The following THSD4 variants were observed in gnomAD, a reference collection of about 807,000 sequenced individuals.
THSD4 encodes thrombospondin type 1 domain containing 4.
Under a neutral mutation model 119.0 loss-of-function variants are expected in THSD4, and 69 were observed. The observed-to-expected ratio is 0.58, with a 90% CI of 0.48 to 0.71. The LOEUF is 0.71. Among genes scored for constraint, THSD4 ranks in the 30% least tolerant of loss-of-function variants. The pLI is 0.00. For synonymous variants in THSD4, 524 were observed against 540.4 expected, an observed-to-expected ratio of 0.97 and a Z score of 0.42; for missense variants, 1,393 against 1,391.1, an observed-to-expected ratio of 1.00 and a Z score of -0.02.
At chr15:71,637,047 G>A (rs1394072266) in intron 7 of THSD4, among the ~76,000 whole-genome samples, 1 of 151,992 alleles carries the variant, frequency 6.6e-6, no homozygotes, top group African/African-American at 2.4e-5. Context: ...ACCATACCCA[G>A]CTGATTTTTT....
chr15:71,638,245 A>G (rs887188110), intron 7 of THSD4, among the ~76,000 whole-genome samples: 10 of 152,228 alleles, frequency 6.6e-5, no homozygotes, highest in Non-Finnish European at 1.3e-4. Flanking sequence ...CTGATAGCAC[A>G]TAGTGTAGAC....
rs1555414332 is a variant in THSD4 at position 71,442,668 on chromosome 15, A to ATGTG, written c.1152+30846_1152+30847insGTGT. Reference sequence around the variant, plus strand: ...TATGTGTGTGTGTGTGTGTATATATATATATATATATATATATATATATAT... The same window carrying ATGTG: ...TATGTGTGTGTGTGTGTGTATATATATGTGTATATATATATATATATATATATAT... On this transcript the variant is annotated intron_variant, in intron 7 of 17. Transcript: ENST00000261862. Among the ~76,000 whole-genome samples the ATGTG allele has an allele frequency of 6.1e-3, 225 of 36,976 alleles. 7 individuals are homozygous for ATGTG. The highest frequency in any genetic ancestry group is 0.011 in the Non-Finnish European group (171 of 15,328). 24.3% of individuals were successfully genotyped at this position (36,976 alleles called of 152,430 possible). A position where few individuals can be genotyped will look rare whatever the true frequency, so the allele number is the denominator to read the frequency against.
At chr15:71,180,426 G>A (rs780031038) in intron 3 of THSD4, among the ~76,000 whole-genome samples, 4 of 152,182 alleles carry the variant, frequency 2.6e-5, no homozygotes, top group Admixed American at 1.3e-4. Flanking sequence ...GATAGTAAGG[G>A]AAGAAATGAA....
intron 7 of THSD4, among the ~76,000 whole-genome samples, chr15:71,511,155 A>G (rs1212067900): frequency 2.1e-5 from 3 of 146,262 alleles, no homozygotes; most frequent in Admixed American, 6.8e-5. Flanking sequence ...AATAATGGGA[A>G]ACAGAGAGAA....
chr15:71,295,675 C>CAT (rs1005983163), intron 6 of THSD4, among the ~76,000 whole-genome samples: 3 of 150,076 alleles, frequency 2.0e-5, no homozygotes, highest in African/African-American at 7.4e-5. Context: ...CACCTGGGGA[C>CAT]ATTTTCTTTA....
At chr15:71,277,128 C>T (rs1432261056) in intron 6 of THSD4, among the ~76,000 whole-genome samples, 15 of 122,992 alleles carry the variant, frequency 1.2e-4, no homozygotes, top group South Asian at 2.5e-4. Context: ...TCTTCTTCTT[C>T]TTTTTTTTTT....
chr15:71,723,133 G>C (rs2052755478), intron 8 of THSD4, among the ~76,000 whole-genome samples: 1 of 148,306 alleles, frequency 6.7e-6, no homozygotes, highest in African/African-American at 2.5e-5. Context: ...AAACATTTTT[G>C]TATACTCATA....
Position 71,458,089 on chromosome 15 carries a change from A to G in THSD4, c.1152+46266A>G, listed in dbSNP as rs145913857. ...TGAAAATATAATCTTATTATAATCT[A>G]TATGCATTGCATATTTACATTTATA... On this transcript the variant is annotated intron_variant, in intron 7 of 17. Transcript: ENST00000261862. 1.3e-4 allele frequency among the ~76,000 whole-genome samples: 20 copies of G among 152,350 alleles called. No homozygotes were observed. In the East Asian group the frequency reaches 2.5e-3, roughly 19 times the overall value.
chr15:71,675,740 C>T (rs1053081955), intron 8 of THSD4, among the ~76,000 whole-genome samples: 1 of 152,154 alleles, frequency 6.6e-6, no homozygotes, highest in Non-Finnish European at 1.5e-5. Flanking sequence ...GAGGGACCTG[C>T]CTGTGGTAAA....
At chr15:71,721,066 A>C (rs1171033324) in intron 8 of THSD4, among the ~76,000 whole-genome samples, 2 of 152,308 alleles carry the variant, frequency 1.3e-5, no homozygotes, top group Admixed American at 1.3e-4. Flanking sequence ...CACAATGGGC[A>C]TTAAGATTAT....
intron 1 of THSD4, among the ~76,000 whole-genome samples, chr15:71,108,806 A>G (rs2040284851): frequency 6.6e-6 from 1 of 152,212 alleles, no homozygotes; most frequent in South Asian, 2.1e-4. Flanking sequence ...CCTGGCCAGC[A>G]TGGTGAAACC....
At chr15:71,682,308 A>G (rs2051797922) in intron 8 of THSD4, among the ~76,000 whole-genome samples, 2 of 152,256 alleles carry the variant, frequency 1.3e-5, no homozygotes, top group South Asian at 2.1e-4. Flanking sequence ...ATAAATACAC[A>G]GGAAAAGTTC....
intron 8 of THSD4, among the ~76,000 whole-genome samples, chr15:71,683,817 T>C (rs984361354): frequency 6.6e-6 from 1 of 151,998 alleles, no homozygotes; most frequent in African/African-American, 2.4e-5. Flanking sequence ...GTACTAAAAA[T>C]ACAAAAATTT....
chr15:71,437,605 T>TC (rs1422811763), intron 7 of THSD4, among the ~76,000 whole-genome samples: 4 of 152,190 alleles, frequency 2.6e-5, no homozygotes, highest in Admixed American at 1.3e-4. Context: ...CTTGAGGTGC[T>TC]TACTTCAGTC....
At chr15:71,296,863 G>C (rs536931348) in intron 6 of THSD4, among the ~76,000 whole-genome samples, 1 of 152,088 alleles carries the variant, frequency 6.6e-6, no homozygotes, top group African/African-American at 2.4e-5. Flanking sequence ...TAATTGCTCC[G>C]AGCCTCTGTT....
rs1175418817 is a variant in THSD4, at chr15:71,781,722, G to A, written c.*4348G>A. Reference sequence around the variant, plus strand: ...AGCCTTCCAGAGATAGAGGGACTGTGGTAGGTGGTGACCCACCCATCACTG... The same window carrying A: ...AGCCTTCCAGAGATAGAGGGACTGTAGTAGGTGGTGACCCACCCATCACTG... On this transcript the variant is annotated 3_prime_UTR_variant, in exon 18 of 18. Coordinates refer to ENST00000261862, the MANE Select transcript of THSD4 (RefSeq NM_024817.3). 1 of 152,286 alleles carries A rather than the reference G, an allele frequency of 6.6e-6. No homozygotes were observed. The highest frequency in any genetic ancestry group is 2.4e-5 in the African/African-American group (1 of 41,446). 9.4% of individuals were successfully genotyped at this position (152,286 alleles called of 1,614,324 possible).
chr15:71,485,482 A>AT (rs2047800847), intron 7 of THSD4, among the ~76,000 whole-genome samples: 1 of 152,242 alleles, frequency 6.6e-6, no homozygotes, highest in African/African-American at 2.4e-5. Context: ...AGAGGAACTT[A>AT]TTACAAATTC....
At chr15:71,499,626 G>A (rs1595830711) in intron 7 of THSD4, among the ~76,000 whole-genome samples, 1 of 152,066 alleles carries the variant, frequency 6.6e-6, no homozygotes, top group Middle Eastern at 3.4e-3. Flanking sequence ...TTACAAAACT[G>A]AAACTCTGTT....
chr15:71,633,149 T>G (rs919828767), intron 7 of THSD4, among the ~76,000 whole-genome samples: 1 of 152,080 alleles, frequency 6.6e-6, no homozygotes, highest in Admixed American at 6.5e-5. Flanking sequence ...ATTGTGTGTA[T>G]AAATGATCAG....
Sources: gnomAD v4.1 joint callset for allele counts (sites outside exome capture counted in the v4.1 genomes callset) on GRCh38, gnomAD v4.1.1 for gene constraint, MANE v1.5 for transcripts, NCBI Gene and HGNC (gene_info 2026-07-23, HGNC 2026-07-21) for gene names.